The following NFIA variants were observed in gnomAD, a reference collection of about 807,000 sequenced individuals.
The protein encoded by NFIA is nuclear factor 1 A-type.
NFIA carries 8 observed loss-of-function variants against 62.8 expected under a neutral mutation model. The ratio of observed to expected loss-of-function variants is 0.13; its 90% CI spans 0.07 to 0.23. The LOEUF (loss-of-function observed/expected upper bound fraction) is 0.23. Among genes scored for constraint, NFIA ranks in the 10% least tolerant of loss-of-function variants. NFIA has a pLI of 1.00. For missense variants in NFIA, 410 were observed against 642.1 expected (o/e 0.64, Z 3.91); for synonymous variants, 235 against 238.1 (o/e 0.99, Z 0.12).
intron 2 of NFIA, among the ~76,000 whole-genome samples, chr1:61,189,955 C>T (rs1171626741): frequency 1.3e-5 from 2 of 152,080 alleles, no homozygotes; most frequent in African/African-American, 4.8e-5. Context: ...GGAATAATGT[C>T]ACGTATTGCT....
intron 9 of NFIA, among the ~76,000 whole-genome samples, chr1:61,407,576 A>G (rs982555287): frequency 6.6e-6 from 1 of 152,064 alleles, no homozygotes; most frequent in Non-Finnish European, 1.5e-5. Flanking sequence ...TTCCTAGGTG[A>G]TGGATGCCCT....
intron 3 of NFIA, among the ~76,000 whole-genome samples, chr1:61,329,040 T>A (rs903942053): frequency 5.5e-4 from 81 of 146,538 alleles, no homozygotes; most frequent in African/African-American, 1.9e-3. Flanking sequence ...ATAATTTTTT[T>A]CTTTTTTTCT....
At chr1:61,434,242 G>T (rs1316755451) in intron 10 of NFIA, among the ~76,000 whole-genome samples, 1 of 152,138 alleles carries the variant, frequency 6.6e-6, no homozygotes, top group East Asian at 1.9e-4. Flanking sequence ...AATCGAGGTG[G>T]TGCCTGGTCA....
chr1:61,321,721 G>T (rs114450507), intron 3 of NFIA, among the ~76,000 whole-genome samples: 213 of 151,638 alleles, frequency 1.4e-3, no homozygotes, highest in Admixed American at 3.4e-3. Context: ...GAACTTTAAG[G>T]TCCCTTCCAT....
intron 9 of NFIA, among the ~76,000 whole-genome samples, chr1:61,421,081 C>T (rs1666597365): frequency 6.6e-6 from 1 of 152,212 alleles, no homozygotes; most frequent in East Asian, 1.9e-4. Flanking sequence ...ACCAACACAT[C>T]TTTCACAGCC....
intron 2 of NFIA, among the ~76,000 whole-genome samples, chr1:61,108,739 G>T (rs1207240834): frequency 6.6e-6 from 1 of 151,526 alleles, no homozygotes; most frequent in Non-Finnish European, 1.5e-5. Flanking sequence ...ATTTTAATCA[G>T]AGAAAGGACA....
intron 2 of NFIA, among the ~76,000 whole-genome samples, chr1:61,100,743 C>T (rs1646493380): frequency 6.6e-6 from 1 of 151,918 alleles, no homozygotes; most frequent in South Asian, 2.1e-4. Flanking sequence ...AAGGTGAATC[C>T]CAACACCCTG....
intron 2 of NFIA, among the ~76,000 whole-genome samples, chr1:61,120,125 A>G (rs1034460285): frequency 1.3e-5 from 2 of 152,188 alleles, no homozygotes; most frequent in African/African-American, 4.8e-5. Context: ...ATTGGTTTAA[A>G]TCTTGTGGTG....
chr1:61,101,717 G>A (rs557400126), intron 2 of NFIA, among the ~76,000 whole-genome samples: 9 of 152,192 alleles, frequency 5.9e-5, no homozygotes, highest in South Asian at 4.1e-4. Context: ...AGACTTTTAC[G>A]CTGAAGTGGA....
intron 2 of NFIA, among the ~76,000 whole-genome samples, chr1:61,114,668 T>C (rs1646766604): frequency 6.6e-6 from 1 of 152,206 alleles, no homozygotes; most frequent in Non-Finnish European, 1.5e-5. Flanking sequence ...TCAGAGTTAC[T>C]CAGGAGAAAG....
chr1:61,276,964 A>C (rs1657842699), intron 2 of NFIA, among the ~76,000 whole-genome samples: 1 of 152,146 alleles, frequency 6.6e-6, no homozygotes. Context: ...GACTTCTTTG[A>C]GTTATGCAGT....
At chr1:61,372,153 TGAG>T (rs560259412) in intron 6 of NFIA, among the ~76,000 whole-genome samples, 17 of 151,932 alleles carry the variant, frequency 1.1e-4, no homozygotes, top group African/African-American at 3.4e-4. Context: ...ACAAATAAGA[TGAG>T]GAGAAAAAAG....
rs567314251 is a variant in NFIA, at chr1:61,406,810, A to G, written c.1420+83A>G. On this transcript the variant is annotated intron_variant, in intron 9 of 10. Coordinates refer to ENST00000403491, the MANE Select transcript of NFIA (RefSeq NM_001134673.4). ...ACACTTAGGCTTTGTCCCTCACTGTATAGGCTCTAGAAAGAGGCACAGATC... is the reference window on the plus strand; with the variant it reads ...ACACTTAGGCTTTGTCCCTCACTGTGTAGGCTCTAGAAAGAGGCACAGATC... 6 of 1,395,938 alleles carry G rather than the reference A, an allele frequency of 4.3e-6. No individual in the cohort carries two copies. The Admixed American group carries it at 8.4e-5, about 20-fold the overall frequency. The allele number at this position is 1,395,938 out of a possible 1,614,324, so 86.5% of individuals were successfully genotyped here. A position where few individuals can be genotyped will look rare whatever the true frequency, so the allele number is the denominator to read the frequency against.
At chr1:61,251,803 A>G (rs71641723) in intron 2 of NFIA, among the ~76,000 whole-genome samples, 1 of 152,344 alleles carries the variant, frequency 6.6e-6, no homozygotes, top group Non-Finnish European at 1.5e-5. Context: ...AACAGAAGTA[A>G]CGATACAAAA....
chr1:61,229,624 T>C (rs562624765), intron 2 of NFIA, among the ~76,000 whole-genome samples: 1 of 152,310 alleles, frequency 6.6e-6, no homozygotes, highest in South Asian at 2.1e-4. Context: ...CCTTGCTCTG[T>C]GATCAAAGTC....
rs570465196 is a variant in NFIA, at chr1:61,319,958, C to T, written c.626-12554C>T. On this transcript the variant is annotated intron_variant, in intron 3 of 10. Transcript: ENST00000403491. ...GCCTCAGATCTGTGTTCTCTATTCACACATGCTCACTTCCAGCTGTTGTCA... is the reference window on the plus strand; with the variant it reads ...GCCTCAGATCTGTGTTCTCTATTCATACATGCTCACTTCCAGCTGTTGTCA... 1.2e-4 allele frequency among the ~76,000 whole-genome samples: 18 copies of T among 152,214 alleles called. No homozygotes were observed. In the South Asian group the frequency reaches 3.7e-3, roughly 32 times the overall value.
At position 61,186,260 on chromosome 1, in the gene NFIA, T is replaced by C. The variant is rs189337329; in HGVS notation, c.560-91260T>C. On this transcript the variant is annotated intron_variant, in intron 2 of 10. Transcript: ENST00000403491. Reference sequence around the variant, plus strand: ...TCTGCCATTGACTAGTTGTATGAACTGCCGCAGGTGGTTCAGCCACTCAGA... The same window carrying C: ...TCTGCCATTGACTAGTTGTATGAACCGCCGCAGGTGGTTCAGCCACTCAGA... Among the ~76,000 whole-genome samples the C allele has an allele frequency of 3.1e-3, 465 of 152,314 alleles. 5 individuals carry two copies. The South Asian group carries it at 0.032, about 11-fold the overall frequency.
At chr1:61,357,735 A>G (rs554064640) in intron 5 of NFIA, among the ~76,000 whole-genome samples, 160 of 152,312 alleles carry the variant, frequency 1.1e-3, no homozygotes, top group African/African-American at 3.8e-3. Flanking sequence ...CACTTTGCAC[A>G]GCACCTGGCA....
chr1:61,077,940 T>C (rs1056011780), upstream of NFIA, among the ~76,000 whole-genome samples: 5 of 140,454 alleles, frequency 3.6e-5, no homozygotes, highest in South Asian at 6.7e-4. Flanking sequence ...CAGAAAGGGG[T>C]GGGGGGAAAT....
Sources: gnomAD v4.1 joint callset for allele counts (sites outside exome capture counted in the v4.1 genomes callset) on GRCh38, gnomAD v4.1.1 for gene constraint, MANE v1.5 for transcripts, NCBI Gene and HGNC (gene_info 2026-07-23, HGNC 2026-07-21) for gene names.